The following PTPRM variants were observed in gnomAD, a reference collection of about 807,000 sequenced individuals.
PTPRM encodes the protein receptor-type tyrosine-protein phosphatase mu.
In PTPRM, 47 loss-of-function variants were observed where a neutral mutation model predicts 186.7. The observed-to-expected ratio is 0.25, with a 90% CI of 0.20 to 0.32. The LOEUF (loss-of-function observed/expected upper bound fraction) is 0.32. Among genes scored for constraint, PTPRM ranks in the 10% least tolerant of loss-of-function variants. PTPRM has a pLI of 1.00. For missense variants in PTPRM, 1,494 were observed against 1,865.0 expected, an observed-to-expected ratio of 0.80 and a Z score of 3.66; for synonymous variants, 668 against 674.9, an observed-to-expected ratio of 0.99 and a Z score of 0.16.
chr18:8,007,982 T>C (rs2147835323), intron 7 of PTPRM, among the ~76,000 whole-genome samples: 1 of 152,330 alleles, frequency 6.6e-6, no homozygotes, highest in East Asian at 1.9e-4. Flanking sequence ...CTTGTGGTGC[T>C]GTCTTTATTT....
At chr18:8,184,527 G>A (rs1050435076) in intron 14 of PTPRM, among the ~76,000 whole-genome samples, 2 of 152,074 alleles carry the variant, frequency 1.3e-5, no homozygotes, top group African/African-American at 2.4e-5. Flanking sequence ...GGGGAGCCTC[G>A]GCCCGAGCCC....
At chr18:7,778,473 T>G (rs1267666976) in intron 2 of PTPRM, among the ~76,000 whole-genome samples, 1 of 152,140 alleles carries the variant, frequency 6.6e-6, no homozygotes, top group African/African-American at 2.4e-5. Context: ...TTTCTTTTTA[T>G]TTTTTTGAGG....
At chr18:8,264,755 A>T (rs2094679701) in intron 19 of PTPRM, among the ~76,000 whole-genome samples, 1 of 143,662 alleles carries the variant, frequency 7.0e-6, no homozygotes, top group Admixed American at 7.3e-5. Flanking sequence ...CTGCGTGGTG[A>T]CAGAGCAAGA....
intron 17 of PTPRM, among the ~76,000 whole-genome samples, chr18:8,249,895 T>A (rs1047789224): frequency 6.6e-6 from 1 of 152,216 alleles, no homozygotes; most frequent in African/African-American, 2.4e-5. Flanking sequence ...ATGGCTTATA[T>A]AGGTACCAAA....
intron 7 of PTPRM, among the ~76,000 whole-genome samples, chr18:7,994,841 T>C (rs1473929984): frequency 1.3e-5 from 2 of 152,112 alleles, no homozygotes; most frequent in Non-Finnish European, 2.9e-5. Flanking sequence ...GAGGGAAGTT[T>C]ATAGTAATAA....
At chr18:8,387,292 A>C in intron 31 of PTPRM, 57 bp downstream of exon 31, 29 of 1,503,772 alleles carry the variant, frequency 1.9e-5, no homozygotes, top group Non-Finnish European at 2.5e-5. Context: ...ACTCACTCTC[A>C]CCTCCTAGTT....
chr18:7,728,981 G>A (rs1369255680), intron 1 of PTPRM, among the ~76,000 whole-genome samples: 1 of 150,358 alleles, frequency 6.7e-6, no homozygotes, highest in African/African-American at 2.5e-5. Flanking sequence ...TAGAGTACAG[G>A]CCCACTGCAG....
At chr18:7,889,408 T>C (rs1190871982) in intron 3 of PTPRM, among the ~76,000 whole-genome samples, 1 of 145,230 alleles carries the variant, frequency 6.9e-6, no homozygotes, top group Non-Finnish European at 1.5e-5. Flanking sequence ...GTGATCACAA[T>C]TCACTCCAGC....
intron 2 of PTPRM, 25 bp downstream of exon 2, chr18:7,774,296 T>G: frequency 1.9e-6 from 3 of 1,611,972 alleles, no homozygotes; most frequent in Non-Finnish European, 2.5e-6. Context: ...TTAAGTTTTG[T>G]TTTAAAGAGG....
rs1364849294 is a variant in PTPRM, at chr18:7,567,525, C to T, written c.-294C>T. 2.9e-5 allele frequency: 9 copies of T among 312,854 alleles called. No homozygotes were observed. Among genetic ancestry groups the T allele is most frequent in the African/African-American group, 8.7e-5 (4 of 45,942 alleles). The allele number at this position is 312,854 out of a possible 1,614,324, so 19.4% of individuals were successfully genotyped here. On this transcript the variant is annotated 5_prime_UTR_variant, in exon 1 of 33. Coordinates refer to ENST00000580170, the MANE Select transcript of PTPRM (RefSeq NM_001105244.2). This position sits in a 1 kb window ranked among gnomAD's most constrained non-coding sequence, Gnocchi z 4.3. ...GGGGAGAGGCGGCGAGCTCAGCAAC[C>T]GGAACCGAGGGAAGATTTTGGCTCC...
At chr18:7,792,859 C>T (rs2043412501) in intron 2 of PTPRM, among the ~76,000 whole-genome samples, 1 of 152,038 alleles carries the variant, frequency 6.6e-6, no homozygotes, top group Admixed American at 6.6e-5. Context: ...GAGATGGGGT[C>T]TTTCTGTGTT....
intron 4 of PTPRM, among the ~76,000 whole-genome samples, chr18:7,909,701 CATTT>C: frequency 7.8e-6 from 1 of 128,416 alleles, no homozygotes; most frequent in African/African-American, 2.8e-5. Flanking sequence ...TGCTGAATCT[CATTT>C]GCTCCACTGT....
At chr18:7,590,207 T>A (rs1304910827) in intron 1 of PTPRM, among the ~76,000 whole-genome samples, 1 of 152,258 alleles carries the variant, frequency 6.6e-6, no homozygotes, top group Admixed American at 6.5e-5. Flanking sequence ...TTGCTAATAT[T>A]AAGTCAAGTT....
chr18:8,126,723 G>T (rs1240848710), intron 13 of PTPRM, among the ~76,000 whole-genome samples: 1 of 152,130 alleles, frequency 6.6e-6, no homozygotes, highest in Non-Finnish European at 1.5e-5. Context: ...TAACTGATTG[G>T]ATCTTAGCCA....
Position 8,342,169 on chromosome 18 carries a change from A to T in PTPRM, c.2957-1254A>T, listed in dbSNP as rs186040474. On this transcript the variant is annotated intron_variant, in intron 22 of 32. Transcript: ENST00000580170. ...ACCGATTGCTAATTGGTCAAGAGGG[A>T]TGGGGAGTGACTGAAGGGCCCCTTG... Among the ~76,000 whole-genome samples, 25 of 152,316 alleles carry T rather than the reference A, an allele frequency of 1.6e-4. No individual in the cohort carries two copies. In the East Asian group the frequency reaches 4.8e-3, roughly 29 times the overall value.
chr18:8,018,696 T>C (rs1471316504), intron 7 of PTPRM, among the ~76,000 whole-genome samples: 1 of 152,166 alleles, frequency 6.6e-6, no homozygotes, highest in African/African-American at 2.4e-5. Context: ...AGAAAGTAAA[T>C]TGGATTTTCT....
intron 2 of PTPRM, among the ~76,000 whole-genome samples, chr18:7,813,798 G>A (rs1466333420): frequency 2.6e-5 from 4 of 150,954 alleles, no homozygotes; most frequent in Non-Finnish European, 1.5e-5. Flanking sequence ...TGTCTTGTGG[G>A]ATAATTCTTT....
At chr18:7,573,738 T>G (rs941844408) in intron 1 of PTPRM, among the ~76,000 whole-genome samples, 1 of 152,010 alleles carries the variant, frequency 6.6e-6, no homozygotes, top group Admixed American at 6.5e-5. Flanking sequence ...TACAGGTGCC[T>G]GCCACCACGC....
chr18:7,586,522 GC>G (rs1279890287), intron 1 of PTPRM, among the ~76,000 whole-genome samples: 1 of 152,112 alleles, frequency 6.6e-6, no homozygotes, highest in Non-Finnish European at 1.5e-5. Context: ...CAAAACCAGG[GC>G]TAGATACTGC....
Sources: allele counts gnomAD v4.1 joint callset (sites outside exome capture counted in the v4.1 genomes callset), GRCh38; gene constraint gnomAD v4.1.1; non-coding constraint Gnocchi (gnomAD v3.1); transcripts MANE v1.5; gene names NCBI Gene and HGNC (gene_info 2026-07-23, HGNC 2026-07-21).